ALMS1: variants seen among roughly 807,000 people sequenced by gnomAD.
ALMS1 encodes ALMS1 centrosome and basal body associated protein.
In ALMS1, 271 loss-of-function variants were observed where a neutral mutation model predicts 352.2. That is an observed-to-expected ratio of 0.77 (90% CI 0.70 to 0.85). The LOEUF (loss-of-function observed/expected upper bound fraction) is 0.85. Ranked by LOEUF, ALMS1 falls within the 40% of genes least tolerant of loss-of-function variation. ALMS1 has a pLI of 0.00. For synonymous variants in ALMS1, 1,865 were observed against 1,761.2 expected (o/e 1.06, Z -1.48); for missense variants, 5,445 against 4,870.7 (o/e 1.12, Z -3.51).
chr2:73,577,418 T>C (rs1675077053), intron 16 of ALMS1, among the ~76,000 whole-genome samples: 1 of 152,132 alleles, frequency 6.6e-6, no homozygotes, highest in South Asian at 2.1e-4. Context: ...AAAGTCTGTT[T>C]CATTTATCTC....
chr2:73,482,551 T>G (rs1672733739), intron 9 of ALMS1, among the ~76,000 whole-genome samples: 1 of 152,218 alleles, frequency 6.6e-6, no homozygotes, highest in Non-Finnish European at 1.5e-5. Flanking sequence ...TTTTTTGTTG[T>G]GTCTCTGCCT....
intron 10 of ALMS1, among the ~76,000 whole-genome samples, chr2:73,491,864 ACTCTCTCTCCCGCTCTCCCTCT>A (rs1672996035): frequency 6.6e-6 from 1 of 150,648 alleles, no homozygotes; most frequent in African/African-American, 2.4e-5. Context: ...GTGCTTGGTC[ACTCTCTCTCCCGCTCTCCCTCT>A]CTCTCTCTCT....
Position 73,385,915 on chromosome 2 carries a change from A to C in ALMS1, c.47A>C (p.Glu16Ala). The C allele has an allele frequency of 1.2e-6, 1 of 825,136 alleles. No homozygotes were observed. The allele number at this position is 825,136 out of a possible 1,614,324, so 51.1% of individuals were successfully genotyped here. ...LPWPGELEEE[E>A]EEEEEEEEEE... ...TGGCCGGGCGAGCTGGAGGAGGAGG[A>C]GGAGGAGGAGGAGGAGGAGGAGGAG... Residue 16 changes from glutamate to alanine, a missense_variant, in exon 1 of 23, where the codon GAG becomes GCG. Physicochemically the swap from Glu to Ala is moderately radical, Grantham distance 107. Transcript: ENST00000613296.
In ALMS1 at chr2:73,489,689, T is replaced by G; in HGVS notation, c.7730T>G (p.Ile2577Ser). Residue 2577 changes from isoleucine to serine, a missense_variant, in exon 10 of 23, where the codon ATT becomes AGT. Coordinates refer to ENST00000613296, the MANE Select transcript of ALMS1 (RefSeq NM_001378454.1). Reference protein sequence around the residue: ...GCKPEAVCSHIIIESHEKGCF... With the variant: ...GCKPEAVCSHSIIESHEKGCF... Reference sequence around the variant, plus strand: ...AAGCCAGAAGCTGTATGTAGTCACATTATTATTGAGAGCCATGAAAAGGGA... The same window carrying G: ...AAGCCAGAAGCTGTATGTAGTCACAGTATTATTGAGAGCCATGAAAAGGGA... 1 of 1,614,112 alleles carries G rather than the reference T, an allele frequency of 6.2e-7. No homozygotes were observed. Among genetic ancestry groups the G allele is most frequent in the South Asian group, 1.1e-5 (1 of 91,082 alleles).
At chr2:73,553,119 T>G (rs886415234) in intron 13 of ALMS1, among the ~76,000 whole-genome samples, 4 of 152,086 alleles carry the variant, frequency 2.6e-5, no homozygotes, top group African/African-American at 9.7e-5. Context: ...TAAAACTGAT[T>G]TGAAAAGAGA....
At chr2:73,579,786 T>C (rs1415893513) in intron 16 of ALMS1, among the ~76,000 whole-genome samples, 1 of 152,234 alleles carries the variant, frequency 6.6e-6, no homozygotes, top group African/African-American at 2.4e-5. Context: ...CTCGCCCTTA[T>C]TCTTACTGCT....
At chr2:73,578,339 C>A (rs1487440611) in intron 16 of ALMS1, among the ~76,000 whole-genome samples, 1 of 152,182 alleles carries the variant, frequency 6.6e-6, no homozygotes, top group Non-Finnish European at 1.5e-5. Context: ...TCTGCCCTCT[C>A]TGCCTTTTAA....
chr2:73,603,366 G>A (rs1675743536), intron 21 of ALMS1, 62 bp downstream of exon 21: 1 of 1,449,998 alleles, frequency 6.9e-7, no homozygotes, highest in Non-Finnish European at 9.7e-7. Context: ...GTGGTCGGGA[G>A]CTCTGGCTTG....
At chr2:73,602,838 C>A (rs1675728810) in intron 20 of ALMS1, among the ~76,000 whole-genome samples, 1 of 152,202 alleles carries the variant, frequency 6.6e-6, no homozygotes, top group Non-Finnish European at 1.5e-5. Flanking sequence ...TTAAGTACCT[C>A]TCCCAAGATG....
chr2:73,503,520 C>G (rs1673259368), intron 10 of ALMS1, among the ~76,000 whole-genome samples: 2 of 152,084 alleles, frequency 1.3e-5, no homozygotes, highest in African/African-American at 4.8e-5. Context: ...TGGGTTGGTT[C>G]CAAGTCTTTG....
intron 16 of ALMS1, among the ~76,000 whole-genome samples, chr2:73,579,215 A>G (rs1675120925): frequency 6.6e-6 from 1 of 151,222 alleles, no homozygotes. Context: ...GCCTGCCACC[A>G]TGCCTGGGTA....
Position 73,450,730 on chromosome 2 carries a change from A to G in ALMS1, c.4203A>G (p.Leu1401=), listed in dbSNP as rs2103781830. 6.2e-7 allele frequency: 1 copy of G among 1,612,658 alleles called. No homozygotes were observed. The highest frequency in any genetic ancestry group is 8.5e-7 in the Non-Finnish European group (1 of 1,179,578). The part of the protein sequence containing the change: ...FYQQSLPGSH[L]TEEAKNVSAV... ...AACAGTCGTTGCCAGGTAGTCATCTAACTGAAGAGGCTAAGAACGTTTCAG... is the reference window on the plus strand; with the variant it reads ...AACAGTCGTTGCCAGGTAGTCATCTGACTGAAGAGGCTAAGAACGTTTCAG... The change falls in exon 8 of 23, where the codon CTA becomes CTG. Residue 1401 remains leucine, a synonymous_variant. Coordinates refer to ENST00000613296, the MANE Select transcript of ALMS1 (RefSeq NM_001378454.1).
intron 11 of ALMS1, 111 bp from the exon 12 acceptor site, chr2:73,534,713 A>G: frequency 8.4e-7 from 1 of 1,188,440 alleles, no homozygotes; most frequent in South Asian, 1.3e-5. Context: ...TTGTTTACTC[A>G]TAAATTCCAA....
intron 7 of ALMS1, among the ~76,000 whole-genome samples, chr2:73,432,655 A>G (rs1441063748): frequency 6.7e-6 from 1 of 149,472 alleles, no homozygotes; most frequent in East Asian, 2.1e-4. Flanking sequence ...TGTAATGGGC[A>G]CTAATCCCAA....
intron 9 of ALMS1, among the ~76,000 whole-genome samples, chr2:73,480,472 T>C (rs1157600532): frequency 6.6e-6 from 1 of 152,252 alleles, no homozygotes; most frequent in African/African-American, 2.4e-5. Context: ...ATCCAGTCTA[T>C]AATTCTTGGA....
At chr2:73,426,325 A>C (rs1247749323) in intron 5 of ALMS1, 128 bp from the exon 6 acceptor site, 5 of 906,652 alleles carry the variant, frequency 5.5e-6, no homozygotes, top group Admixed American at 5.1e-5. Context: ...GTGATGCATC[A>C]TTAATTGCAG....
At chr2:73,403,622 A>G (rs890382465) in intron 1 of ALMS1, among the ~76,000 whole-genome samples, 16 of 152,188 alleles carry the variant, frequency 1.1e-4, no homozygotes, top group African/African-American at 3.8e-4. Flanking sequence ...TTTGGATAGT[A>G]CATACATTTT....
At position 73,593,381 on chromosome 2, in the gene ALMS1, C is replaced by A. The variant is rs901416095; in HGVS notation, c.11548-6020C>A. Among the ~76,000 whole-genome samples the A allele has an allele frequency of 1.2e-4, 18 of 152,174 alleles. No homozygotes were observed. In the South Asian group the frequency reaches 3.7e-3, roughly 32 times the overall value. Reference sequence around the variant, plus strand: ...CCATCACTCCTATAGCATCCAGTGCCCACCTTTTTTTAGGATTGTTTGTTG... The same window carrying A: ...CCATCACTCCTATAGCATCCAGTGCACACCTTTTTTTAGGATTGTTTGTTG... On this transcript the variant is annotated intron_variant, in intron 16 of 22. Transcript: ENST00000613296.
intron 20 of ALMS1, among the ~76,000 whole-genome samples, chr2:73,602,857 A>C (rs1379437534): frequency 6.6e-6 from 1 of 152,232 alleles, no homozygotes; most frequent in East Asian, 1.9e-4. Flanking sequence ...TGACATACCT[A>C]GTAAGTAAAA....
Sources: gnomAD v4.1 joint callset for allele counts (sites outside exome capture counted in the v4.1 genomes callset) on GRCh38, gnomAD v4.1.1 for gene constraint, MANE v1.5 for transcripts, NCBI Gene and HGNC (gene_info 2026-07-23, HGNC 2026-07-21) for gene names.